NOL4: variants seen among roughly 807,000 people sequenced by gnomAD.
NOL4 encodes nucleolar protein 4, also known as cancer/testis antigen 125.
NOL4 carries 17 observed loss-of-function variants against 75.9 expected under a neutral mutation model. The ratio of observed to expected loss-of-function variants is 0.22; its 90% confidence interval spans 0.15 to 0.34. NOL4 has a LOEUF of 0.34. Among genes scored for constraint, NOL4 ranks in the 10% least tolerant of loss-of-function variants. NOL4 has a pLI of 1.00. For missense variants in NOL4, 614 were observed against 793.5 expected (o/e 0.77, Z 2.72); for synonymous variants, 292 against 289.9 (o/e 1.01, Z -0.07).
intron 10 of NOL4, among the ~76,000 whole-genome samples, chr18:33,871,347 C>T (rs1335280708): frequency 6.6e-6 from 1 of 151,938 alleles, no homozygotes; most frequent in African/African-American, 2.4e-5. Flanking sequence ...TCCATCAGTA[C>T]CCGAGCCCAG....
intron 6 of NOL4, among the ~76,000 whole-genome samples, chr18:34,005,934 G>A (rs1775971506): frequency 6.6e-6 from 1 of 152,012 alleles, no homozygotes; most frequent in African/African-American, 2.4e-5. Flanking sequence ...TTTCTCTCAT[G>A]AAAGTGATGC....
At chr18:34,060,192 T>A (rs1400744734) in intron 5 of NOL4, among the ~76,000 whole-genome samples, 1 of 152,182 alleles carries the variant, frequency 6.6e-6, no homozygotes, top group African/African-American at 2.4e-5. Flanking sequence ...TGAGAGTGAA[T>A]CTACACTATA....
chr18:34,025,142 A>G (rs1392384005), intron 5 of NOL4, among the ~76,000 whole-genome samples: 1 of 152,208 alleles, frequency 6.6e-6, no homozygotes, highest in Non-Finnish European at 1.5e-5. Context: ...AGAAGCCAAA[A>G]GCCAAATATT....
chr18:33,954,378 T>C (rs1006572561), intron 8 of NOL4, among the ~76,000 whole-genome samples: 4 of 152,080 alleles, frequency 2.6e-5, no homozygotes, highest in Non-Finnish European at 5.9e-5. Context: ...GTGAGAACCA[T>C]AGTCTGGATA....
At chr18:34,127,180 C>A (rs1267152128) in intron 2 of NOL4, among the ~76,000 whole-genome samples, 1 of 151,610 alleles carries the variant, frequency 6.6e-6, no homozygotes, top group African/African-American at 2.4e-5. Context: ...TTTATAAATG[C>A]CTAGATATTT....
At chr18:33,866,072 T>G (rs895703353) in intron 10 of NOL4, among the ~76,000 whole-genome samples, 7 of 152,162 alleles carry the variant, frequency 4.6e-5, no homozygotes, top group Non-Finnish European at 8.8e-5. Flanking sequence ...CCACCAAAGT[T>G]GTAAGACTTC....
At chr18:34,002,527 A>T (rs533891247) in intron 6 of NOL4, among the ~76,000 whole-genome samples, 18 of 151,974 alleles carry the variant, frequency 1.2e-4, no homozygotes, top group Admixed American at 1.1e-3. Flanking sequence ...TTCTTGTTCC[A>T]CCTCCAACGT....
At chr18:34,175,102 C>G (rs1221496011) in intron 1 of NOL4, among the ~76,000 whole-genome samples, 1 of 152,164 alleles carries the variant, frequency 6.6e-6, no homozygotes, top group Non-Finnish European at 1.5e-5. Context: ...ATGTTTTTTA[C>G]ATATGTTTAT....
intron 2 of NOL4, among the ~76,000 whole-genome samples, chr18:34,125,462 T>C (rs1463188520): frequency 1.3e-5 from 2 of 152,176 alleles, no homozygotes; most frequent in Non-Finnish European, 2.9e-5. Flanking sequence ...AGTCCCATTA[T>C]AAGTTGACAA....
intron 10 of NOL4, among the ~76,000 whole-genome samples, chr18:33,854,454 G>C (rs931970370): frequency 2.0e-5 from 3 of 152,074 alleles, no homozygotes; most frequent in Non-Finnish European, 4.4e-5. Context: ...ACAAAATCAT[G>C]AGACTGACAC....
intron 1 of NOL4, among the ~76,000 whole-genome samples, chr18:34,201,929 T>A (rs2035770731): frequency 1.3e-5 from 2 of 151,848 alleles, no homozygotes; most frequent in Non-Finnish European, 2.9e-5. Context: ...TACATCTAGA[T>A]CTATGTTTAT....
chr18:34,148,654 T>C (rs773298456), intron 1 of NOL4, among the ~76,000 whole-genome samples: 1 of 152,044 alleles, frequency 6.6e-6, no homozygotes, highest in Non-Finnish European at 1.5e-5. Flanking sequence ...AGTTTTAGAA[T>C]AAGTGAGACG....
At chr18:33,950,778 T>G (rs780031969) in intron 8 of NOL4, among the ~76,000 whole-genome samples, 9 of 152,150 alleles carry the variant, frequency 5.9e-5, no homozygotes, top group Admixed American at 5.9e-4. Context: ...AAAGACCTAG[T>G]TGACTTAGTC....
At chr18:33,934,213 CTCTAAACAGATGTGCAA>C (rs747409684) in intron 9 of NOL4, among the ~76,000 whole-genome samples, 16 of 151,876 alleles carry the variant, frequency 1.1e-4, no homozygotes, top group Non-Finnish European at 1.8e-4. Flanking sequence ...GTTAACCATG[CTCTAAACAGATGTGCAA>C]TCATCCAGGC....
chr18:33,948,669 A>G (rs992541529), intron 8 of NOL4, among the ~76,000 whole-genome samples: 5 of 152,040 alleles, frequency 3.3e-5, no homozygotes, highest in African/African-American at 1.2e-4. Flanking sequence ...TAAGGAAAAT[A>G]ATCTCCACAT....
chr18:34,167,968 T>C (rs547289342), intron 1 of NOL4, among the ~76,000 whole-genome samples: 1 of 152,244 alleles, frequency 6.6e-6, no homozygotes, highest in East Asian at 1.9e-4. Flanking sequence ...TCTAAGCTTC[T>C]ATTGAAACAA....
At chr18:34,053,026 A>G (rs1489135913) in intron 5 of NOL4, among the ~76,000 whole-genome samples, 1 of 152,088 alleles carries the variant, frequency 6.6e-6, no homozygotes, top group African/African-American at 2.4e-5. Context: ...ACATTCTGTA[A>G]GCAGCTTTTT....
chr18:33,970,015 TAAAA>T (rs2145862597), intron 6 of NOL4, among the ~76,000 whole-genome samples: 1 of 152,298 alleles, frequency 6.6e-6, no homozygotes, highest in Non-Finnish European at 1.5e-5. Flanking sequence ...AAGGACTTGG[TAAAA>T]CAAGTTACTG....
chr18:33,915,744 ACAACAG>A (rs1217164141), intron 9 of NOL4, among the ~76,000 whole-genome samples: 2 of 152,178 alleles, frequency 1.3e-5, no homozygotes, highest in Non-Finnish European at 2.9e-5. Context: ...ATATTACAGA[ACAACAG>A]AAATAAAGAA....
Sources: gnomAD v4.1 joint callset for allele counts (sites outside exome capture counted in the v4.1 genomes callset) on GRCh38, gnomAD v4.1.1 for gene constraint, MANE v1.5 for transcripts, NCBI Gene and HGNC (gene_info 2026-07-23, HGNC 2026-07-21) for gene names.